Variants in ATRNL1 observed in about 807,000 individuals in gnomAD.
ATRNL1 encodes attractin like 1.
A neutral mutation model predicts 182.7 loss-of-function variants in ATRNL1; 95 were observed. The ratio of observed to expected loss-of-function variants is 0.52; its 90% CI spans 0.44 to 0.62. ATRNL1 has a LOEUF of 0.62. Ranked by LOEUF, ATRNL1 falls within the 20% of genes least tolerant of loss-of-function variation. The probability of loss-of-function intolerance (pLI) is 0.00; values close to 1 mark genes in which losing one functional copy is unlikely to be tolerated. For synonymous variants in ATRNL1, 576 were observed against 568.3 expected (o/e 1.01, Z -0.19); for missense variants, 1,471 against 1,679.5 (o/e 0.88, Z 2.17).
intron 19 of ATRNL1, among the ~76,000 whole-genome samples, chr10:115,338,134 C>A (rs1554937263): frequency 6.6e-6 from 1 of 152,076 alleles, no homozygotes; most frequent in Non-Finnish European, 1.5e-5. Context: ...GGGTTGGGGA[C>A]CCCTGTGTAA....
At chr10:115,686,003 A>C (rs1383265438) in intron 26 of ATRNL1, among the ~76,000 whole-genome samples, 1 of 151,724 alleles carries the variant, frequency 6.6e-6, no homozygotes, top group African/African-American at 2.4e-5. Flanking sequence ...GTTACCATAC[A>C]TAGAGCTCTA....
intron 19 of ATRNL1, among the ~76,000 whole-genome samples, chr10:115,388,648 A>G (rs2134256955): frequency 6.6e-6 from 1 of 152,000 alleles, no homozygotes; most frequent in Admixed American, 6.6e-5. Flanking sequence ...CATTTATGTT[A>G]TATATACACA....
chr10:115,186,066 G>A (rs1554888678), intron 8 of ATRNL1, among the ~76,000 whole-genome samples: 1 of 151,744 alleles, frequency 6.6e-6, no homozygotes, highest in Non-Finnish European at 1.5e-5. Context: ...ACATTTTATG[G>A]AAAGGGGGAA....
At chr10:115,868,799 A>G (rs1555105331) in intron 28 of ATRNL1, among the ~76,000 whole-genome samples, 2 of 145,222 alleles carry the variant, frequency 1.4e-5, no homozygotes, top group African/African-American at 5.1e-5. Context: ...TCTTTTGAAT[A>G]TATCTGGTGG....
chr10:115,472,176 A>G (rs1460105915), intron 24 of ATRNL1, among the ~76,000 whole-genome samples: 1 of 150,802 alleles, frequency 6.6e-6, no homozygotes, highest in East Asian at 1.9e-4. Flanking sequence ...GTTTATTTCT[A>G]GCCTCTCTAT....
At chr10:115,368,979 G>A (rs1257391008) in intron 19 of ATRNL1, among the ~76,000 whole-genome samples, 2 of 152,002 alleles carry the variant, frequency 1.3e-5, no homozygotes, top group African/African-American at 2.4e-5. Flanking sequence ...CTCCCAAAGT[G>A]CTGGGATTAC....
chr10:115,096,956 GTATT>G (rs2085026337), intron 1 of ATRNL1: 3 of 356,804 alleles, frequency 8.4e-6, no homozygotes, highest in Non-Finnish European at 1.3e-5. Flanking sequence ...AATTCAAGTT[GTATT>G]TATTTGAATA....
chr10:115,839,550 A>C (rs1424009203), intron 27 of ATRNL1, among the ~76,000 whole-genome samples: 1 of 152,162 alleles, frequency 6.6e-6, no homozygotes, highest in African/African-American at 2.4e-5. Context: ...CTCTGTGTGC[A>C]TGCCCTTACT....
intron 26 of ATRNL1, among the ~76,000 whole-genome samples, chr10:115,587,989 A>G (rs1855668154): frequency 6.6e-6 from 1 of 152,206 alleles, no homozygotes. Context: ...ATCAAATTCA[A>G]GTATAATAGT....
At chr10:115,297,333 T>C (rs1853244860) in intron 15 of ATRNL1, among the ~76,000 whole-genome samples, 1 of 152,108 alleles carries the variant, frequency 6.6e-6, no homozygotes, top group South Asian at 2.1e-4. Context: ...TTATTTCTTT[T>C]ACTACAAAAA....
chr10:115,399,346 A>G (rs1483024847), intron 20 of ATRNL1, among the ~76,000 whole-genome samples: 1 of 152,012 alleles, frequency 6.6e-6, no homozygotes, highest in Non-Finnish European at 1.5e-5. Context: ...CCTCAATTTC[A>G]GAGCTGATTA....
intron 28 of ATRNL1, among the ~76,000 whole-genome samples, chr10:115,861,258 A>T (rs1951309317): frequency 6.6e-6 from 1 of 152,114 alleles, no homozygotes; most frequent in Non-Finnish European, 1.5e-5. Context: ...ATTTACTATT[A>T]TAAAATTTTT....
chr10:115,921,813 A>T (rs1486112862), intron 28 of ATRNL1, among the ~76,000 whole-genome samples: 1 of 152,208 alleles, frequency 6.6e-6, no homozygotes, highest in Non-Finnish European at 1.5e-5. Flanking sequence ...TTTACATGGG[A>T]TTATCCCAAT....
intron 8 of ATRNL1, among the ~76,000 whole-genome samples, chr10:115,188,697 T>G (rs782447232): frequency 1.0e-4 from 15 of 150,724 alleles, no homozygotes; most frequent in African/African-American, 3.2e-4. Flanking sequence ...TAATATAAAT[T>G]TATTGATACT....
rs375127246 is a variant in ATRNL1 at position 115,381,432 on chromosome 10, A to ATTTTTTTTTTTTTTTTTTTTTTTTTT, written c.3176-13210_3176-13209insTTTTTTTTTTTTTTTTTTTTTTTTTT. ...CAGGCACATGCCACCATACCTGGCA[A>ATTTTTTTTTTTTTTTTTTTTTTTTTT]TTTTTTTTTTTTTTTTTAGTAGACA... is the stretch of plus-strand genomic sequence containing the variant. On this transcript the variant is annotated intron_variant, in intron 19 of 28. Coordinates refer to ENST00000355044, the MANE Select transcript of ATRNL1 (RefSeq NM_207303.4). Among the ~76,000 whole-genome samples, 49 of 68,526 alleles carry ATTTTTTTTTTTTTTTTTTTTTTTTTT rather than the reference A, an allele frequency of 7.2e-4. 7 individuals carry two copies. Among genetic ancestry groups the ATTTTTTTTTTTTTTTTTTTTTTTTTT allele is most frequent in the African/African-American group, 8.4e-4 (14 of 16,702 alleles). 45.0% of individuals were successfully genotyped at this position (68,526 alleles called of 152,430 possible). A position where few individuals can be genotyped will look rare whatever the true frequency, so the allele number is the denominator to read the frequency against.
chr10:115,862,105 C>G (rs1472717331), intron 28 of ATRNL1, among the ~76,000 whole-genome samples: 1 of 152,166 alleles, frequency 6.6e-6, no homozygotes, highest in Admixed American at 6.5e-5. Context: ...CTGACTCTTG[C>G]TAGGCTACCT....
intron 8 of ATRNL1, chr10:115,171,524 C>T (rs1163938241): frequency 3.5e-5 from 13 of 374,738 alleles, no homozygotes; most frequent in Non-Finnish European, 6.1e-5. Context: ...GTCTCATTTT[C>T]TAAGATTTGT....
At chr10:115,500,269 G>T (rs192958261) in intron 24 of ATRNL1, among the ~76,000 whole-genome samples, 7 of 152,288 alleles carry the variant, frequency 4.6e-5, no homozygotes, top group Admixed American at 2.0e-4. Flanking sequence ...TTAGTTTTCA[G>T]TGACTCCAAA....
intron 26 of ATRNL1, among the ~76,000 whole-genome samples, chr10:115,615,206 A>G (rs1857369625): frequency 6.6e-6 from 1 of 151,626 alleles, no homozygotes; most frequent in Admixed American, 6.6e-5. Flanking sequence ...AATATTTTTT[A>G]TGCTTTTTGA....
Sources: allele counts gnomAD v4.1 joint callset (sites outside exome capture counted in the v4.1 genomes callset), GRCh38; gene constraint gnomAD v4.1.1; transcripts MANE v1.5; gene names NCBI Gene and HGNC (gene_info 2026-07-23, HGNC 2026-07-21).